The following FAM227A variants were observed in gnomAD, a reference collection of about 807,000 sequenced individuals.
The protein encoded by FAM227A is family with sequence similarity 227 member A, also known as protein FAM227A.
In FAM227A, 80 loss-of-function variants were observed where a neutral mutation model predicts 74.7. The observed-to-expected ratio is 1.07, with a 90% CI of 0.89 to 1.29. The LOEUF is 1.29. FAM227A is among the 50% of genes most tolerant of loss of function. FAM227A has a pLI of 0.00. For synonymous variants in FAM227A, 237 were observed against 241.8 expected (o/e 0.98, Z 0.19); for missense variants, 654 against 683.4 (o/e 0.96, Z 0.48).
intron 16 of FAM227A, among the ~76,000 whole-genome samples, chr22:38,587,283 G>A (rs1013794171): frequency 6.6e-6 from 1 of 152,020 alleles, no homozygotes; most frequent in Non-Finnish European, 1.5e-5. Context: ...AGCAGAGGAC[G>A]TGAAATAGAG....
In FAM227A at chr22:38,582,530, C is replaced by A; in HGVS notation, c.*3595G>T. ...CTTCCCTTATAAAGGGCAAATAATTCTTCCCCATAATTTTCCCTTCTAATG... is the reference window on the plus strand; with the variant it reads ...CTTCCCTTATAAAGGGCAAATAATTATTCCCCATAATTTTCCCTTCTAATG... On this transcript the variant is annotated 3_prime_UTR_variant, in exon 17 of 17. Transcript: ENST00000535113. The A allele has an allele frequency of 9.2e-7, 1 of 1,090,146 alleles. No individual in the cohort carries two copies. The highest frequency in any genetic ancestry group is 1.3e-6 in the Non-Finnish European group (1 of 766,986). 67.5% of individuals were successfully genotyped at this position (1,090,146 alleles called of 1,614,324 possible).
At position 38,626,756 on chromosome 22, in the gene FAM227A, C is replaced by T. The variant is rs930705989; in HGVS notation, c.727-453G>A. Reference sequence around the variant, plus strand: ...GGGTGTGGTGGTGCATGCCTGTAATCCCATTTACCTGGGAGGCTGAGGCAG... The same window carrying T: ...GGGTGTGGTGGTGCATGCCTGTAATTCCATTTACCTGGGAGGCTGAGGCAG... On this transcript the variant is annotated intron_variant, in intron 8 of 16. Coordinates refer to ENST00000535113, the MANE Select transcript of FAM227A (RefSeq NM_001013647.2). Among the ~76,000 whole-genome samples the T allele has an allele frequency of 2.0e-5, 3 of 146,744 alleles. No individual in the cohort carries two copies. In the Admixed American group the frequency reaches 2.1e-4, roughly 10 times the overall value.
chr22:38,655,213 A>T (rs572042188), intron 1 of FAM227A, among the ~76,000 whole-genome samples: 1 of 152,202 alleles, frequency 6.6e-6, no homozygotes, highest in Admixed American at 6.5e-5. Context: ...AGAACAGCCA[A>T]GAGTAAAATT....
At position 38,584,063 on chromosome 22, in the gene FAM227A, T is replaced by C. The variant is rs964604815; in HGVS notation, c.*2062A>G. 1.3e-5 allele frequency: 2 copies of C among 152,234 alleles called. No individual in the cohort carries two copies. Among genetic ancestry groups the C allele is most frequent in the Non-Finnish European group, 2.9e-5 (2 of 68,088 alleles). 9.4% of individuals were successfully genotyped at this position (152,234 alleles called of 1,614,324 possible). On this transcript the variant is annotated 3_prime_UTR_variant, in exon 17 of 17. Coordinates refer to ENST00000535113, the MANE Select transcript of FAM227A (RefSeq NM_001013647.2). Reference sequence around the variant, plus strand: ...CCTGTGCCTGTGCCCCTCAGTGAAATATCTTCTGTCCCAAAGGGCTGCTGG... The same window carrying C: ...CCTGTGCCTGTGCCCCTCAGTGAAACATCTTCTGTCCCAAAGGGCTGCTGG...
Position 38,582,761 on chromosome 22 carries a change from ATAGG to A in FAM227A, c.*3360_*3363del. The A allele has an allele frequency of 6.9e-7, 1 of 1,458,898 alleles. No homozygotes were observed. Among genetic ancestry groups the A allele is most frequent in the Non-Finnish European group, 9.4e-7 (1 of 1,068,446 alleles). 90.4% of individuals were successfully genotyped at this position (1,458,898 alleles called of 1,614,324 possible). A position where few individuals can be genotyped will look rare whatever the true frequency, so the allele number is the denominator to read the frequency against. The stretch of plus-strand genomic sequence containing the variant: ...GTATGGGGGCTAATAGTAGCGGTGG[ATAGG>A]TAGACAGGCAATTCCAATCTACTAT... On this transcript the variant is annotated 3_prime_UTR_variant, in exon 17 of 17. Coordinates refer to ENST00000535113, the MANE Select transcript of FAM227A (RefSeq NM_001013647.2).
intron 11 of FAM227A, among the ~76,000 whole-genome samples, chr22:38,608,463 C>A (rs564901458): frequency 6.6e-6 from 1 of 151,962 alleles, no homozygotes; most frequent in Non-Finnish European, 1.5e-5. Flanking sequence ...CGGAATCTTG[C>A]TCCGTTGCCT....
chr22:38,586,732 G>A (rs763784687), intron 16 of FAM227A, among the ~76,000 whole-genome samples: 6 of 151,994 alleles, frequency 3.9e-5, no homozygotes, highest in East Asian at 1.9e-4. Flanking sequence ...GCAGTGGCGC[G>A]ATCTCAGCTC....
Position 38,605,366 on chromosome 22 carries a change from GC to G in FAM227A, c.1127-19del, listed in dbSNP as rs1464094173. 19 of 1,441,864 alleles carry G rather than the reference GC, an allele frequency of 1.3e-5. No homozygotes were observed. Among genetic ancestry groups the G allele is most frequent in the Non-Finnish European group, 1.8e-5 (19 of 1,047,510 alleles). The allele number at this position is 1,441,864 out of a possible 1,614,324, so 89.3% of individuals were successfully genotyped here. A position where few individuals can be genotyped will look rare whatever the true frequency, so the allele number is the denominator to read the frequency against. On this transcript the variant is annotated intron_variant, in intron 12 of 16. Transcript: ENST00000535113. ...ATGATGCTCTGTCAATGTGACATTA[GC>G]AAGAAAATGACCATTAGGTTCAAGC...
At chr22:38,629,010 G>C (rs1414720772) in intron 6 of FAM227A, 75 bp from the exon 7 acceptor site, 1 of 937,934 alleles carries the variant, frequency 1.1e-6, no homozygotes, top group African/African-American at 1.7e-5. Flanking sequence ...ATGTATTTTA[G>C]AATGAACAGA....
At chr22:38,634,023 A>G (rs1349183286) in intron 6 of FAM227A, among the ~76,000 whole-genome samples, 1 of 151,942 alleles carries the variant, frequency 6.6e-6, no homozygotes, top group East Asian at 1.9e-4. Flanking sequence ...GTTCAAGACC[A>G]GCTTGGCAAA....
At chr22:38,645,123 G>A (rs1321026071) in intron 3 of FAM227A, among the ~76,000 whole-genome samples, 1 of 151,928 alleles carries the variant, frequency 6.6e-6, no homozygotes, top group Non-Finnish European at 1.5e-5. Context: ...CGGGCGCGGT[G>A]GCTCACGCCT....
chr22:38,598,293 C>T (rs1283516883), intron 14 of FAM227A, among the ~76,000 whole-genome samples: 1 of 152,124 alleles, frequency 6.6e-6, no homozygotes, highest in Non-Finnish European at 1.5e-5. Flanking sequence ...CATCACAACA[C>T]TGTAAGTTTG....
intron 2 of FAM227A, among the ~76,000 whole-genome samples, chr22:38,647,773 A>G (rs1014278584): frequency 6.6e-6 from 1 of 152,164 alleles, no homozygotes; most frequent in Non-Finnish European, 1.5e-5. Flanking sequence ...TCTTACTTTC[A>G]TTACCCTCAA....
chr22:38,642,608 T>C (rs141196427), intron 3 of FAM227A, among the ~76,000 whole-genome samples: 69 of 152,290 alleles, frequency 4.5e-4, no homozygotes, highest in African/African-American at 1.6e-3. Flanking sequence ...GAGAAAATAT[T>C]TGCAAGAAAA....
intron 5 of FAM227A, among the ~76,000 whole-genome samples, chr22:38,637,657 C>T (rs892387440): frequency 3.3e-5 from 5 of 152,224 alleles, no homozygotes; most frequent in Admixed American, 6.5e-5. Flanking sequence ...GTGGCAGCTC[C>T]GCCATGTGCT....
At chr22:38,654,939 G>A (rs1603102856) in intron 1 of FAM227A, among the ~76,000 whole-genome samples, 1 of 149,796 alleles carries the variant, frequency 6.7e-6, no homozygotes, top group Admixed American at 6.7e-5. Context: ...GACAGTGCGA[G>A]ACTCCATCTA....
rs58028591 is a variant in FAM227A, at chr22:38,581,742, G to GTTTT, written c.*4379_*4382dup. ...GCGTTAGCCACCGCACCTGGCTCAG[G>GTTTT]TTTTTTTTTTTTTTTTTCCCAGACA... On this transcript the variant is annotated 3_prime_UTR_variant, in exon 17 of 17. Coordinates refer to ENST00000535113, the MANE Select transcript of FAM227A (RefSeq NM_001013647.2). 4.6e-4 allele frequency: 63 copies of GTTTT among 137,312 alleles called. No individual in the cohort carries two copies. Among genetic ancestry groups the GTTTT allele is most frequent in the East Asian group, 1.7e-3 (8 of 4,668 alleles). 8.5% of individuals were successfully genotyped at this position (137,312 alleles called of 1,614,324 possible).
intron 16 of FAM227A, among the ~76,000 whole-genome samples, chr22:38,588,270 C>T (rs1446555343): frequency 6.6e-6 from 1 of 152,060 alleles, no homozygotes; most frequent in Non-Finnish European, 1.5e-5. Context: ...TCTTTATTTA[C>T]AGATAGCATG....
At chr22:38,606,888 C>G (rs1272312206) in intron 12 of FAM227A, among the ~76,000 whole-genome samples, 1 of 152,132 alleles carries the variant, frequency 6.6e-6, no homozygotes, top group African/African-American at 2.4e-5. Flanking sequence ...GGAACTTAAT[C>G]AGTGCTTAGG....
Sources: gnomAD v4.1 joint callset for allele counts (sites outside exome capture counted in the v4.1 genomes callset) on GRCh38, gnomAD v4.1.1 for gene constraint, MANE v1.5 for transcripts, NCBI Gene and HGNC (gene_info 2026-07-23, HGNC 2026-07-21) for gene names.